MARCHF1: variants seen among roughly 807,000 people sequenced by gnomAD.
The protein encoded by MARCHF1 is E3 ubiquitin-protein ligase MARCHF1.
In MARCHF1, 40 loss-of-function variants were observed where a neutral mutation model predicts 54.2. The observed-to-expected ratio is 0.74, with a 90% confidence interval of 0.57 to 0.96. The LOEUF (loss-of-function observed/expected upper bound fraction) is 0.96, where lower values mean the gene tolerates loss of function less well. Ranked by LOEUF, MARCHF1 falls within the 40% of genes least tolerant of loss-of-function variation. The pLI, the probability that MARCHF1 is intolerant of heterozygous loss-of-function variation, is 0.00. For synonymous variants in MARCHF1, 236 were observed against 236.3 expected (o/e 1.00, Z 0.01); for missense variants, 586 against 656.5 (o/e 0.89, Z 1.17).
intron 2 of MARCHF1, among the ~76,000 whole-genome samples, chr4:164,109,053 C>A (rs139270301): frequency 6.6e-6 from 1 of 152,076 alleles, no homozygotes; most frequent in East Asian, 1.9e-4. Context: ...GAAAACTGGA[C>A]AATTATTCGA....
chr4:164,296,718 A>G (rs1232169195), intron 1 of MARCHF1, among the ~76,000 whole-genome samples: 2 of 152,164 alleles, frequency 1.3e-5, no homozygotes, highest in African/African-American at 4.8e-5. Context: ...TTACTCTGTC[A>G]TCCTCAGATC....
At chr4:164,033,027 C>A (rs1482572142) in intron 2 of MARCHF1, among the ~76,000 whole-genome samples, 3 of 152,026 alleles carry the variant, frequency 2.0e-5, no homozygotes, top group Non-Finnish European at 2.9e-5. Flanking sequence ...TGATCTTCAG[C>A]AAACCTGACA....
At chr4:163,971,072 A>G (rs1259542564) in intron 3 of MARCHF1, among the ~76,000 whole-genome samples, 1 of 152,234 alleles carries the variant, frequency 6.6e-6, no homozygotes, top group Non-Finnish European at 1.5e-5. Flanking sequence ...GCTGCAATGT[A>G]CTAACACTGC....
intron 2 of MARCHF1, among the ~76,000 whole-genome samples, chr4:164,077,244 A>G (rs1418410315): frequency 1.3e-5 from 2 of 152,190 alleles, no homozygotes; most frequent in African/African-American, 2.4e-5. Context: ...CAACTATCTG[A>G]TCTTTGACAA....
intron 3 of MARCHF1, among the ~76,000 whole-genome samples, chr4:163,951,820 T>G (rs1461853287): frequency 1.3e-5 from 2 of 152,206 alleles, no homozygotes; most frequent in African/African-American, 4.8e-5. Context: ...AAATATTTGT[T>G]ATCTCAATAA....
chr4:164,097,794 A>G (rs1342640109), intron 2 of MARCHF1, among the ~76,000 whole-genome samples: 1 of 152,084 alleles, frequency 6.6e-6, no homozygotes. Context: ...GGCCACACAT[A>G]TTTTTGTGAG....
intron 1 of MARCHF1, among the ~76,000 whole-genome samples, chr4:164,350,911 G>A (rs1047762577): frequency 3.7e-4 from 56 of 152,180 alleles, no homozygotes; most frequent in East Asian, 9.7e-4. Flanking sequence ...TGCGTGCACC[G>A]GGCGCGAGCC....
chr4:163,591,066 T>C (rs1180282025), intron 7 of MARCHF1, among the ~76,000 whole-genome samples: 1 of 151,020 alleles, frequency 6.6e-6, no homozygotes. Flanking sequence ...TTATTTCATA[T>C]GATTATTAAT....
chr4:164,269,619 T>C (rs866263045), intron 1 of MARCHF1, among the ~76,000 whole-genome samples: 3 of 152,190 alleles, frequency 2.0e-5, no homozygotes, highest in African/African-American at 2.4e-5. Flanking sequence ...ATTGTTATCA[T>C]GAAATTAGTT....
chr4:163,887,829 C>T (rs747046579), intron 3 of MARCHF1, among the ~76,000 whole-genome samples: 14 of 152,128 alleles, frequency 9.2e-5, no homozygotes, highest in Non-Finnish European at 1.9e-4. Context: ...TATAACTCTT[C>T]CCTTATTTGG....
intron 2 of MARCHF1, among the ~76,000 whole-genome samples, chr4:164,036,965 A>G (rs1435200795): frequency 6.6e-6 from 1 of 152,202 alleles, no homozygotes; most frequent in South Asian, 2.1e-4. Context: ...GTTGATTGTA[A>G]GTGATTATAT....
rs1751630746 is a variant in MARCHF1 at position 163,929,973 on chromosome 4, A to ATATATTATATATAT, written c.-39+58527_-39+58528insATATATATAATATA. On this transcript the variant is annotated intron_variant, in intron 3 of 9. Transcript: ENST00000514618. The stretch of plus-strand genomic sequence containing the variant: ...ATATATATTATATATAATATATATA[A>ATATATTATATATAT]TATATATAATATATATATAATATAT... 3.3e-4 allele frequency among the ~76,000 whole-genome samples: 42 copies of ATATATTATATATAT among 125,376 alleles called. 1 individual carries two copies. In the South Asian group the frequency reaches 9.4e-3, roughly 28 times the overall value. 82.3% of individuals were successfully genotyped at this position (125,376 alleles called of 152,430 possible). A position where few individuals can be genotyped will look rare whatever the true frequency, so the allele number is the denominator to read the frequency against.
chr4:163,693,932 C>T (rs1385546031), intron 5 of MARCHF1, among the ~76,000 whole-genome samples: 2 of 152,140 alleles, frequency 1.3e-5, no homozygotes. Context: ...TAAGTGATTA[C>T]AGCAACTACA....
At chr4:164,307,610 G>A (rs958685821) in intron 1 of MARCHF1, among the ~76,000 whole-genome samples, 1 of 152,140 alleles carries the variant, frequency 6.6e-6, no homozygotes, top group African/African-American at 2.4e-5. Context: ...CCATGCCAAA[G>A]AACAGAGATC....
intron 9 of MARCHF1, among the ~76,000 whole-genome samples, chr4:163,530,995 A>G (rs1040031927): frequency 4.6e-5 from 7 of 151,924 alleles, no homozygotes; most frequent in Admixed American, 1.3e-4. Flanking sequence ...TAAATCAACC[A>G]TAACCTTTCA....
At chr4:163,862,860 A>T (rs1424203566) in intron 3 of MARCHF1, among the ~76,000 whole-genome samples, 1 of 152,074 alleles carries the variant, frequency 6.6e-6, no homozygotes, top group Admixed American at 6.6e-5. Flanking sequence ...TGGTACATTC[A>T]TACATCATAT....
rs1040071053 is a variant in MARCHF1 at position 163,638,405 on chromosome 4, G to A, written c.163-25012C>T. On this transcript the variant is annotated intron_variant, in intron 5 of 9. Coordinates refer to ENST00000514618, the MANE Select transcript of MARCHF1 (RefSeq NM_001394959.1). ...GAGATCCAGTTGTTTAAAAGTATAC[G>A]GCACCTACCCTCCCTCTCTCTCTTG... 3.3e-5 allele frequency among the ~76,000 whole-genome samples: 5 copies of A among 151,846 alleles called. No individual in the cohort carries two copies. In the East Asian group the frequency reaches 7.8e-4, roughly 24 times the overall value.
At chr4:163,761,118 T>G (rs1038466479) in intron 4 of MARCHF1, among the ~76,000 whole-genome samples, 2 of 152,156 alleles carry the variant, frequency 1.3e-5, no homozygotes, top group South Asian at 4.1e-4. Context: ...TATTTCAAAA[T>G]GAGAAAAATA....
chr4:164,135,249 A>T (rs997588299), intron 1 of MARCHF1, among the ~76,000 whole-genome samples: 2 of 152,202 alleles, frequency 1.3e-5, no homozygotes, highest in African/African-American at 4.8e-5. Flanking sequence ...GAATTAGAGA[A>T]CACTGCCTTT....
Sources: allele counts gnomAD v4.1 joint callset (sites outside exome capture counted in the v4.1 genomes callset), GRCh38; gene constraint gnomAD v4.1.1; transcripts MANE v1.5; gene names NCBI Gene and HGNC (gene_info 2026-07-23, HGNC 2026-07-21).